The following KCMF1 variants were observed in gnomAD, a reference collection of about 807,000 sequenced individuals.
KCMF1 encodes the protein potassium channel modulatory factor 1, also known as E3 ubiquitin-protein ligase KCMF1.
In KCMF1, 3 loss-of-function variants were observed where a neutral mutation model predicts 41.1. The ratio of observed to expected loss-of-function variants is 0.07; its 90% CI spans 0.03 to 0.19. The LOEUF (loss-of-function observed/expected upper bound fraction) is 0.19. Ranked by LOEUF, KCMF1 falls within the 10% of genes least tolerant of loss-of-function variation. The probability of loss-of-function intolerance (pLI) is 1.00; values close to 1 mark genes in which losing one functional copy is unlikely to be tolerated. For missense variants in KCMF1, 286 were observed against 488.9 expected (o/e 0.58, Z 3.91); for synonymous variants, 142 against 164.5 (o/e 0.86, Z 1.04).
intron 6 of KCMF1, among the ~76,000 whole-genome samples, chr2:85,051,187 T>G (rs2104067826): frequency 6.6e-6 from 1 of 152,354 alleles, no homozygotes; most frequent in Non-Finnish European, 1.5e-5. Flanking sequence ...TGCCTGGTTA[T>G]TACCAGATAA....
rs544600065 is a variant in KCMF1 at position 85,012,724 on chromosome 2, C to T, written c.17-15165C>T. On this transcript the variant is annotated intron_variant, in intron 1 of 6. Transcript: ENST00000409785. ...CGCCAGTGCTAGAGTATTCTCTATA[C>T]TTTGTATTAATTATTCCTACTCCTA... Among the ~76,000 whole-genome samples, 163 of 152,216 alleles carry T rather than the reference C, an allele frequency of 1.1e-3. 1 individual carries two copies. Among genetic ancestry groups the T allele is most frequent in the Non-Finnish European group, 2.0e-3 (135 of 68,042 alleles).
chr2:85,008,765 C>CT lies in KCMF1; in HGVS notation c.17-19108dup, dbSNP rs112609910. Among the ~76,000 whole-genome samples, 1,109 of 139,084 alleles carry CT rather than the reference C, an allele frequency of 8.0e-3. 12 individuals are homozygous for CT. Among genetic ancestry groups the CT allele is most frequent in the African/African-American group, 0.018 (695 of 37,914 alleles). The allele number at this position is 139,084 out of a possible 152,430, so 91.2% of individuals were successfully genotyped here. On this transcript the variant is annotated intron_variant, in intron 1 of 6. Coordinates refer to ENST00000409785, the MANE Select transcript of KCMF1 (RefSeq NM_020122.5). ...AGCACTGCAAGTATTGACATGTACT[C>CT]TTTTTTTTTTTTTTTTGGAGACAGG...
At chr2:85,024,989 G>A (rs568269160) in intron 1 of KCMF1, among the ~76,000 whole-genome samples, 4 of 152,174 alleles carry the variant, frequency 2.6e-5, no homozygotes, top group Admixed American at 2.6e-4. Flanking sequence ...TTGTTATGGT[G>A]TTACTTATTA....
At chr2:84,989,439 G>T (rs1673985267) in intron 1 of KCMF1, among the ~76,000 whole-genome samples, 1 of 152,172 alleles carries the variant, frequency 6.6e-6, no homozygotes, top group Non-Finnish European at 1.5e-5. Context: ...TGTCAAGAGG[G>T]TAGGGTGATG....
Position 84,971,439 on chromosome 2 carries a change from C to G in KCMF1, c.-13C>G, listed in dbSNP as rs1459138876. On this transcript the variant is annotated 5_prime_UTR_variant, in exon 1 of 7. Transcript: ENST00000409785. The stretch of plus-strand genomic sequence containing the variant: ...AGCCCGGGAGGGGCCGCGCCGCCAC[C>G]GTCTGAACTAGGATGTCCCGACATG... The G allele has an allele frequency of 2.4e-6, 3 of 1,266,442 alleles. No homozygotes were observed. The highest frequency in any genetic ancestry group is 3.0e-6 in the Non-Finnish European group (3 of 985,506). 78.5% of individuals were successfully genotyped at this position (1,266,442 alleles called of 1,614,324 possible).
chr2:85,042,313 A>C (rs1675559158), intron 3 of KCMF1, among the ~76,000 whole-genome samples: 1 of 152,160 alleles, frequency 6.6e-6, no homozygotes, highest in African/African-American at 2.4e-5. Flanking sequence ...TTGTTAGAAG[A>C]TGGAAAGTTA....
At chr2:84,978,368 A>G (rs1673606716) in intron 1 of KCMF1, among the ~76,000 whole-genome samples, 1 of 152,212 alleles carries the variant, frequency 6.6e-6, no homozygotes, top group Non-Finnish European at 1.5e-5. Flanking sequence ...TGAAATAACT[A>G]AACAGACCCC....
At position 84,978,140 on chromosome 2, in the gene KCMF1, G is replaced by A. The variant is rs181958114; in HGVS notation, c.16+6673G>A. Among the ~76,000 whole-genome samples, 367 of 152,180 alleles carry A rather than the reference G, an allele frequency of 2.4e-3. 2 individuals are homozygous for A. Among genetic ancestry groups the A allele is most frequent in the Non-Finnish European group, 3.7e-3 (255 of 68,016 alleles). ...AGCCTCTCGAGTAGCTAGGATTACAGGCATGCGCCACCTCACCCAGCTAAT... is the reference window on the plus strand; with the variant it reads ...AGCCTCTCGAGTAGCTAGGATTACAAGCATGCGCCACCTCACCCAGCTAAT... On this transcript the variant is annotated intron_variant, in intron 1 of 6. Coordinates refer to ENST00000409785, the MANE Select transcript of KCMF1 (RefSeq NM_020122.5).
intron 1 of KCMF1, among the ~76,000 whole-genome samples, chr2:85,008,746 G>A (rs1674578006): frequency 6.6e-6 from 1 of 151,008 alleles, no homozygotes; most frequent in Admixed American, 6.6e-5. Context: ...TGAAAGCACT[G>A]CAAGTATTGA....
At chr2:84,985,870 A>G (rs1282522761) in intron 1 of KCMF1, among the ~76,000 whole-genome samples, 1 of 152,100 alleles carries the variant, frequency 6.6e-6, no homozygotes, top group African/African-American at 2.4e-5. Flanking sequence ...GGTCATCTAC[A>G]TACATTAGCA....
intron 1 of KCMF1, among the ~76,000 whole-genome samples, chr2:85,017,423 G>A (rs1047498257): frequency 1.3e-5 from 2 of 152,076 alleles, no homozygotes; most frequent in African/African-American, 4.8e-5. Context: ...ATTGTTCTCT[G>A]TATAGTTCTC....
At chr2:85,012,643 T>C (rs1674679499) in intron 1 of KCMF1, among the ~76,000 whole-genome samples, 1 of 152,218 alleles carries the variant, frequency 6.6e-6, no homozygotes. Context: ...AAACCAAACA[T>C]GTCTAAAATC....
At chr2:84,996,678 C>T (rs556207606) in intron 1 of KCMF1, among the ~76,000 whole-genome samples, 1 of 152,126 alleles carries the variant, frequency 6.6e-6, no homozygotes, top group African/African-American at 2.4e-5. Flanking sequence ...TCAGGTGATC[C>T]ACCTGCCTCG....
In KCMF1 at chr2:85,040,824, G is replaced by A. The variant is rs190018663; in HGVS notation, c.325-2740G>A. 1.3e-3 allele frequency among the ~76,000 whole-genome samples: 197 copies of A among 150,690 alleles called. 2 individuals carry two copies. The highest frequency in any genetic ancestry group is 4.5e-3 in the African/African-American group (183 of 40,952). ...CGCTCAGGCTGGAGTGCAGTGGTGC[G>A]ATCTTGGCTCACTGCAACCTCCGCT... On this transcript the variant is annotated intron_variant, in intron 3 of 6. Transcript: ENST00000409785.
At chr2:85,026,459 T>TTATTATTA (rs775553843) in intron 1 of KCMF1, among the ~76,000 whole-genome samples, 7 of 139,346 alleles carry the variant, frequency 5.0e-5, no homozygotes, top group African/African-American at 1.9e-4. Context: ...CTTTCTTTCC[T>TTATTATTA]TTATTATTAT....
intron 2 of KCMF1, 58 bp from the exon 3 acceptor site, chr2:85,034,958 A>T: frequency 2.8e-6 from 4 of 1,417,178 alleles, no homozygotes; most frequent in Non-Finnish European, 3.9e-6. Flanking sequence ...TCGTACGATT[A>T]CATTTTTATA....
At chr2:85,027,398 A>G (rs1675135433) in intron 1 of KCMF1, among the ~76,000 whole-genome samples, 2 of 95,966 alleles carry the variant, frequency 2.1e-5, no homozygotes, top group South Asian at 3.6e-4. Flanking sequence ...TTTTTTTGAG[A>G]CAAAGCCTCA....
chr2:85,039,728 G>A (rs1289615499), intron 3 of KCMF1, among the ~76,000 whole-genome samples: 1 of 152,166 alleles, frequency 6.6e-6, no homozygotes, highest in Non-Finnish European at 1.5e-5. Flanking sequence ...GTGACCCTCA[G>A]TGGCAAGGTG....
intron 1 of KCMF1, among the ~76,000 whole-genome samples, chr2:84,990,770 T>A (rs1674022727): frequency 1.3e-5 from 2 of 152,048 alleles, no homozygotes; most frequent in Non-Finnish European, 2.9e-5. Flanking sequence ...GAGACTTCAT[T>A]AAGTATAAAA....
Sources: allele counts gnomAD v4.1 joint callset (sites outside exome capture counted in the v4.1 genomes callset), GRCh38; gene constraint gnomAD v4.1.1; transcripts MANE v1.5; gene names NCBI Gene and HGNC (gene_info 2026-07-23, HGNC 2026-07-21).